Variants in TMEM106C observed in about 807,000 individuals in gnomAD.
TMEM106C encodes the protein endoplasmic reticulum membrane protein overexpressed in cancer.
Under a neutral mutation model 30.8 loss-of-function variants are expected in TMEM106C, and 27 were observed. That is an observed-to-expected ratio of 0.88 (90% CI 0.65 to 1.21). The LOEUF is 1.21. Among genes scored for constraint, TMEM106C ranks in the 50% most tolerant of loss-of-function variants. The probability of loss-of-function intolerance (pLI) is 0.00; values close to 1 mark genes in which losing one functional copy is unlikely to be tolerated. For synonymous variants in TMEM106C, 123 were observed against 118.8 expected (o/e 1.04, Z -0.23); for missense variants, 288 against 307.8 (o/e 0.94, Z 0.48).
chr12:47,965,905 T>C lies in TMEM106C; in HGVS notation c.319T>C (p.Phe107Leu), dbSNP rs35500826. The C allele has an allele frequency of 8.1e-4, 1,305 of 1,614,224 alleles. 11 individuals carry two copies. In the African/African-American group the frequency reaches 0.016, roughly 19 times the overall value. Residue 107 changes from phenylalanine to leucine, a missense_variant, in exon 4 of 8, where the codon TTT becomes CTT. By Grantham distance (22) the Phe-to-Leu change is conservative. Coordinates refer to ENST00000429772, the MANE Select transcript of TMEM106C (RefSeq NM_001143842.2). ...LASGLVVFFL[F>L]PHSVLVDDDG... ...ATCTGGTTTGGTGGTTTTCTTCCTG[T>C]TTCCGCATTCAGTCCTTGTGGATGA...
At position 47,964,250 on chromosome 12, in the gene TMEM106C, A is replaced by C; in HGVS notation, c.14A>C (p.His5Pro). Reference sequence around the variant, plus strand: ...CATATCACGGCCATGGGGTCTCAGCATTCCGCTGCTGCTCGCCCCTCCTCC... The same window carrying C: ...CATATCACGGCCATGGGGTCTCAGCCTTCCGCTGCTGCTCGCCCCTCCTCC... MGSQ[H>P]SAAARPSSCR... Residue 5 changes from histidine to proline, a missense_variant, in exon 2 of 8, where the codon CAT (histidine) becomes CCT (proline). Transcript: ENST00000429772. 1.2e-6 allele frequency: 2 copies of C among 1,613,288 alleles called. No homozygotes were observed. The highest frequency in any genetic ancestry group is 1.7e-6 in the Non-Finnish European group (2 of 1,179,584).
At position 47,967,081 on chromosome 12, in the gene TMEM106C, A is replaced by C. The variant is rs1592186819; in HGVS notation, c.603-127A>C. On this transcript the variant is annotated intron_variant, in intron 6 of 7. Coordinates refer to ENST00000429772, the MANE Select transcript of TMEM106C (RefSeq NM_001143842.2). ...CAGTGGCAGGGACTGAGAGCTGACA[A>C]GCCTTGGCAGCACTTAGGTCGGAAG... 9.7e-6 allele frequency: 9 copies of C among 924,910 alleles called. No homozygotes were observed. In the Admixed American group the frequency reaches 1.5e-4, roughly 15 times the overall value. The allele number at this position is 924,910 out of a possible 1,614,324, so 57.3% of individuals were successfully genotyped here. A position where few individuals can be genotyped will look rare whatever the true frequency, so the allele number is the denominator to read the frequency against.
At chr12:47,964,791 T>C in intron 2 of TMEM106C, 1 of 326,668 alleles carries the variant, frequency 3.1e-6, no homozygotes, top group Non-Finnish European at 5.8e-6. Flanking sequence ...TAGCTAATCC[T>C]TAACAGCCTA....
In TMEM106C at chr12:47,964,437, G is replaced by C; in HGVS notation, c.187+14G>C. 1 of 1,612,756 alleles carries C rather than the reference G, an allele frequency of 6.2e-7. No individual in the cohort carries two copies. Among genetic ancestry groups the C allele is most frequent in the Non-Finnish European group, 8.5e-7 (1 of 1,179,220 alleles). On this transcript the variant is annotated intron_variant, in intron 2 of 7. Coordinates refer to ENST00000429772, the MANE Select transcript of TMEM106C (RefSeq NM_001143842.2). ...ACATTCCAACAGGTGATCATGGAGGGATGATTCCCTGATGAGAATCCCAAG... is the reference window on the plus strand; with the variant it reads ...ACATTCCAACAGGTGATCATGGAGGCATGATTCCCTGATGAGAATCCCAAG...
At position 47,964,332 on chromosome 12, in the gene TMEM106C, A is replaced by G. The variant is rs1336358402; in HGVS notation, c.96A>G (p.Glu32=). The G allele has an allele frequency of 1.2e-6, 2 of 1,614,080 alleles. No individual in the cohort carries two copies. The highest frequency in any genetic ancestry group is 2.7e-5 in the African/African-American group (2 of 74,926). Residue 32 remains glutamate (E), a synonymous_variant, in exon 2 of 8, where the codon GAA becomes GAG. Transcript: ENST00000429772. ...RDGLLAEREQ[E]EAIAQFPYVE... The stretch of plus-strand genomic sequence containing the variant: ...GTTTGCTGGCTGAACGAGAGCAGGA[A>G]GAAGCCATTGCTCAGTTCCCATATG...
chr12:47,966,806 G>C, intron 6 of TMEM106C, 74 bp downstream of exon 6: 1 of 1,534,718 alleles, frequency 6.5e-7, no homozygotes, highest in Non-Finnish European at 9.0e-7. Context: ...CATTGATTGG[G>C]GCCTGGTCCT....
intron 6 of TMEM106C, chr12:47,966,939 T>G: frequency 1.6e-6 from 1 of 638,538 alleles, no homozygotes; most frequent in African/African-American, 1.8e-5. Context: ...GTGACAGAAG[T>G]GCTGGAATTT....
At chr12:47,967,741 G>A (rs7307880) in intron 7 of TMEM106C, among the ~76,000 whole-genome samples, 89,247 of 151,920 alleles carry the variant, frequency 0.59, 26,656 homozygotes, top group East Asian at 0.83. Context: ...TTGGCACTAC[G>A]AACATTTTGG....
chr12:47,963,778 G>T, intron 1 of TMEM106C, 74 bp downstream of exon 1: 1 of 207,682 alleles, frequency 4.8e-6, no homozygotes, highest in Non-Finnish European at 9.8e-6. Flanking sequence ...GCCAAGGGGC[G>T]TGACCTGAGC....
intron 5 of TMEM106C, 111 bp from the exon 6 acceptor site, chr12:47,966,572 G>A: frequency 1.7e-6 from 2 of 1,191,812 alleles, no homozygotes; most frequent in Non-Finnish European, 2.5e-6. Context: ...TCTCAGGGAA[G>A]TATTTTGCAT....
Position 47,967,248 on chromosome 12 carries a change from G to A in TMEM106C, c.643G>A (p.Val215Met). 6.2e-7 allele frequency: 1 copy of A among 1,614,040 alleles called. No individual in the cohort carries two copies. Among genetic ancestry groups the A allele is most frequent in the Non-Finnish European group, 8.5e-7 (1 of 1,180,022 alleles). The change falls in exon 7 of 8, where the codon GTG (valine) becomes ATG (methionine). Residue 215 changes from valine (V) to methionine (M), a missense_variant. Physicochemically the swap from Val to Met is conservative, Grantham distance 21 (BLOSUM62 1). Transcript: ENST00000429772. The stretch of plus-strand genomic sequence containing the variant: ...ACCTGAGATCCTGGTGCACAACATA[G>A]TGATCTTCATGCGGTGCGTCTCTCT... Reference protein sequence around the residue: ...TVPEILVHNIVIFMRTSVKIS... With the variant: ...TVPEILVHNIMIFMRTSVKIS...
chr12:47,968,569 G>T lies in TMEM106C; in HGVS notation c.*340G>T. Reference sequence around the variant, plus strand: ...CTAGGTTATCAAACCATGGAGTGATGTGGAGCTAGGATTGTGAGTGACCTG... The same window carrying T: ...CTAGGTTATCAAACCATGGAGTGATTTGGAGCTAGGATTGTGAGTGACCTG... On this transcript the variant is annotated 3_prime_UTR_variant, in exon 8 of 8. Coordinates refer to ENST00000429772, the MANE Select transcript of TMEM106C (RefSeq NM_001143842.2). The T allele has an allele frequency of 2.7e-6, 1 of 367,954 alleles. No homozygotes were observed. Among genetic ancestry groups the T allele is most frequent in the Non-Finnish European group, 5.3e-6 (1 of 188,244 alleles). 22.8% of individuals were successfully genotyped at this position (367,954 alleles called of 1,614,324 possible). A position where few individuals can be genotyped will look rare whatever the true frequency, so the allele number is the denominator to read the frequency against.
intron 1 of TMEM106C, 199 bp from the exon 2 acceptor site, chr12:47,964,010 C>T: frequency 1.8e-6 from 1 of 565,992 alleles, no homozygotes; most frequent in Non-Finnish European, 3.1e-6. Context: ...CCCACCCCCG[C>T]CGGCTGTGTG....
intron 2 of TMEM106C, 148 bp from the exon 3 acceptor site, chr12:47,965,134 T>A: frequency 1.6e-6 from 1 of 637,256 alleles, no homozygotes. Flanking sequence ...TTGTTTCTTG[T>A]TCATTAGACC....
rs1202390233 is a variant in TMEM106C, at chr12:47,968,630, G to A, written c.*401G>A. ...TCAGTGCCTCATCTGTGCAGAAGTG[G>A]CAGCAGAGAGGGACCATCCAAATAC... On this transcript the variant is annotated 3_prime_UTR_variant, in exon 8 of 8. Coordinates refer to ENST00000429772, the MANE Select transcript of TMEM106C (RefSeq NM_001143842.2). 1.0e-5 allele frequency: 3 copies of A among 290,856 alleles called. No homozygotes were observed. The highest frequency in any genetic ancestry group is 2.2e-5 in the African/African-American group (1 of 45,120). The allele number at this position is 290,856 out of a possible 1,614,324, so 18.0% of individuals were successfully genotyped here.
chr12:47,965,401 G>A, intron 3 of TMEM106C, 56 bp downstream of exon 3: 1 of 1,453,394 alleles, frequency 6.9e-7, no homozygotes, highest in Non-Finnish European at 9.6e-7. Flanking sequence ...ATCTCTTTCT[G>A]TATGTATGAA....
chr12:47,967,191 T>C lies in TMEM106C; in HGVS notation c.603-17T>C. ...AAAAAAAAAAAACTGACTATTTCCA[T>C]ATTTGCTGTTTGGTAGCTTCTTCTG... On this transcript the variant is annotated splice_polypyrimidine_tract_variant and intron_variant, in intron 6 of 7. Transcript: ENST00000429772. 6.2e-7 allele frequency: 1 copy of C among 1,612,782 alleles called. No homozygotes were observed. Among genetic ancestry groups the C allele is most frequent in the Non-Finnish European group, 8.5e-7 (1 of 1,179,058 alleles).
In TMEM106C at chr12:47,968,864, C is replaced by G. The variant is rs1938339416; in HGVS notation, c.*635C>G. ...TTGGGGATTTGATAGAAAAATAAAC[C>G]CTGCTTTTGATTCATCTGTGTCTCC... On this transcript the variant is annotated 3_prime_UTR_variant, in exon 8 of 8. Coordinates refer to ENST00000429772, the MANE Select transcript of TMEM106C (RefSeq NM_001143842.2). 1 of 156,800 alleles carries G rather than the reference C, an allele frequency of 6.4e-6. No individual in the cohort carries two copies. The highest frequency in any genetic ancestry group is 1.4e-5 in the Non-Finnish European group (1 of 71,238). 9.7% of individuals were successfully genotyped at this position (156,800 alleles called of 1,614,324 possible). A position where few individuals can be genotyped will look rare whatever the true frequency, so the allele number is the denominator to read the frequency against.
At chr12:47,967,160 G>C (rs764829215) in intron 6 of TMEM106C, 48 bp from the exon 7 acceptor site, 5 of 1,535,772 alleles carry the variant, frequency 3.3e-6, no homozygotes, top group Non-Finnish European at 3.6e-6. Context: ...TTCTACTGAG[G>C]CTTTAAAAAA....
Sources: allele counts gnomAD v4.1 joint callset (sites outside exome capture counted in the v4.1 genomes callset), GRCh38; gene constraint gnomAD v4.1.1; transcripts MANE v1.5; gene names NCBI Gene and HGNC (gene_info 2026-07-23, HGNC 2026-07-21).